Variants in PRKCI observed in about 807,000 individuals in gnomAD.
The protein encoded by PRKCI is protein kinase C iota, also known as protein kinase C iota type.
A neutral mutation model predicts 84.0 loss-of-function variants in PRKCI; 43 were observed. That is an observed-to-expected ratio of 0.51 (90% CI 0.40 to 0.66). PRKCI has a LOEUF of 0.66. PRKCI is among the 30% of genes least tolerant of loss of function. The probability of loss-of-function intolerance (pLI) is 0.00; values close to 1 mark genes in which losing one functional copy is unlikely to be tolerated. For missense variants in PRKCI, 459 were observed against 745.6 expected, an observed-to-expected ratio of 0.62 and a Z score of 4.48; for synonymous variants, 216 against 234.4, an observed-to-expected ratio of 0.92 and a Z score of 0.72.
At chr3:170,288,808 C>A (rs1196876021) in intron 12 of PRKCI, among the ~76,000 whole-genome samples, 1 of 152,090 alleles carries the variant, frequency 6.6e-6, no homozygotes, top group African/African-American at 2.4e-5. Context: ...GAGAAATTAA[C>A]CCTCCAAAAG....
chr3:170,242,663 C>A lies in PRKCI; in HGVS notation c.223+7312C>A, dbSNP rs1192202394. On this transcript the variant is annotated intron_variant, in intron 2 of 17. Transcript: ENST00000295797. ...ATGTAAAGAACTTCCTTTAACATTT[C>A]TTTTGTTTTTGTTTTGTTTTGTTTT... 3.3e-5 allele frequency among the ~76,000 whole-genome samples: 5 copies of A among 151,326 alleles called. No homozygotes were observed. In the East Asian group the frequency reaches 7.7e-4, roughly 23 times the overall value.
intron 2 of PRKCI, among the ~76,000 whole-genome samples, chr3:170,247,086 G>A (rs146519971): frequency 2.0e-5 from 3 of 151,820 alleles, no homozygotes; most frequent in Admixed American, 2.0e-4. Context: ...GTTTTGTTTT[G>A]TTTTGGAGAC....
intron 8 of PRKCI, among the ~76,000 whole-genome samples, chr3:170,278,512 C>T (rs1197972710): frequency 3.3e-5 from 5 of 152,094 alleles, no homozygotes; most frequent in African/African-American, 9.7e-5. Flanking sequence ...AAAAATTAGC[C>T]GGGTTTGGAG....
chr3:170,223,927 A>G (rs1454353765), intron 1 of PRKCI, among the ~76,000 whole-genome samples: 2 of 149,042 alleles, frequency 1.3e-5, no homozygotes, highest in African/African-American at 4.9e-5. Flanking sequence ...TTTTTTTTTT[A>G]TTATTATACT....
chr3:170,280,097 T>C, intron 8 of PRKCI, 130 bp from the exon 9 acceptor site: 1 of 828,908 alleles, frequency 1.2e-6, no homozygotes, highest in Non-Finnish European at 1.7e-6. Flanking sequence ...TTGAAAAATA[T>C]TAAGAACTTA....
chr3:170,293,807 A>T (rs558680956), intron 14 of PRKCI, among the ~76,000 whole-genome samples: 1 of 151,988 alleles, frequency 6.6e-6, no homozygotes, highest in Admixed American at 6.6e-5. Flanking sequence ...CACACTCCCG[A>T]GTAACTGGGA....
At chr3:170,286,396 G>A (rs542826904) in intron 12 of PRKCI, among the ~76,000 whole-genome samples, 1 of 151,084 alleles carries the variant, frequency 6.6e-6, no homozygotes, top group Admixed American at 6.6e-5. Context: ...AGTGATAGAG[G>A]AGTCTTATCC....
chr3:170,239,419 A>G (rs1733062610), intron 2 of PRKCI, among the ~76,000 whole-genome samples: 2 of 152,194 alleles, frequency 1.3e-5, no homozygotes, highest in Non-Finnish European at 2.9e-5. Context: ...ATAAATGAAT[A>G]TTCTTATTTT....
intron 2 of PRKCI, among the ~76,000 whole-genome samples, chr3:170,247,303 A>G (rs761014827): frequency 1.7e-4 from 26 of 151,254 alleles, no homozygotes; most frequent in Admixed American, 3.3e-4. Context: ...CAATCCTCCC[A>G]CCTTGGCCTC....
intron 6 of PRKCI, among the ~76,000 whole-genome samples, chr3:170,271,422 C>A (rs7643408): frequency 0.081 from 12,329 of 152,146 alleles, 1,196 homozygotes; most frequent in African/African-American, 0.23. Flanking sequence ...AAAACAAATT[C>A]TTTATGTCAA....
chr3:170,266,235 C>G (rs1253187633), intron 4 of PRKCI, among the ~76,000 whole-genome samples: 2 of 152,076 alleles, frequency 1.3e-5, no homozygotes, highest in African/African-American at 4.8e-5. Flanking sequence ...ATAAAGACCA[C>G]TGGATGAAAA....
chr3:170,226,560 C>T (rs1012957697), intron 1 of PRKCI, among the ~76,000 whole-genome samples: 2 of 152,046 alleles, frequency 1.3e-5, no homozygotes, highest in Non-Finnish European at 2.9e-5. Flanking sequence ...CTTTTTAAAC[C>T]GCTGCTGTCA....
At chr3:170,242,891 G>A (rs891388333) in intron 2 of PRKCI, among the ~76,000 whole-genome samples, 8 of 151,868 alleles carry the variant, frequency 5.3e-5, no homozygotes, top group African/African-American at 1.9e-4. Context: ...GGCTGGTCTC[G>A]AACTCCAGAC....
intron 2 of PRKCI, among the ~76,000 whole-genome samples, chr3:170,258,886 T>C (rs1209632037): frequency 2.0e-5 from 3 of 152,242 alleles, no homozygotes; most frequent in Non-Finnish European, 4.4e-5. Context: ...AATCGTATTG[T>C]GGCAATGGAA....
chr3:170,255,123 C>T (rs147621853), intron 2 of PRKCI, among the ~76,000 whole-genome samples: 11,317 of 142,570 alleles, frequency 0.079, 627 homozygotes, highest in East Asian at 0.21. Flanking sequence ...TGCAATGGCA[C>T]GATCTCAGCT....
chr3:170,268,237 T>C (rs896745550), intron 5 of PRKCI, among the ~76,000 whole-genome samples: 5 of 152,134 alleles, frequency 3.3e-5, no homozygotes, highest in Non-Finnish European at 7.4e-5. Flanking sequence ...TCCCAGCACA[T>C]TGGGAGGCCA....
At chr3:170,255,251 G>C (rs570684267) in intron 2 of PRKCI, among the ~76,000 whole-genome samples, 1 of 151,842 alleles carries the variant, frequency 6.6e-6, no homozygotes, top group East Asian at 1.9e-4. Context: ...GTGGAGACGA[G>C]GTTTCTCCAT....
chr3:170,276,159 G>A (rs1302268766), intron 8 of PRKCI, among the ~76,000 whole-genome samples: 4 of 151,828 alleles, frequency 2.6e-5, no homozygotes, highest in Admixed American at 1.3e-4. Flanking sequence ...AGCTAGTCCC[G>A]AACTCCTGGC....
chr3:170,274,507 A>G (rs948803465), intron 7 of PRKCI, among the ~76,000 whole-genome samples: 6 of 152,242 alleles, frequency 3.9e-5, no homozygotes, highest in East Asian at 1.9e-4. Context: ...GATGCAATAT[A>G]GGAAATTCCA....
Sources: allele counts gnomAD v4.1 joint callset (sites outside exome capture counted in the v4.1 genomes callset), GRCh38; gene constraint gnomAD v4.1.1; transcripts MANE v1.5; gene names NCBI Gene and HGNC (gene_info 2026-07-23, HGNC 2026-07-21).